Variants in NCR1 observed in about 807,000 individuals in gnomAD.
NCR1 encodes natural cytotoxicity triggering receptor 1, also known as NK cell-activating receptor.
In NCR1, 30 loss-of-function variants were observed where a neutral mutation model predicts 32.5. The ratio of observed to expected loss-of-function variants is 0.92; its 90% CI spans 0.69 to 1.25. The LOEUF (loss-of-function observed/expected upper bound fraction) is 1.25, where lower values mean the gene tolerates loss of function less well. Among genes scored for constraint, NCR1 ranks in the 50% most tolerant of loss-of-function variants. The probability of loss-of-function intolerance (pLI) is 0.00; values close to 1 mark genes in which losing one functional copy is unlikely to be tolerated. For missense variants in NCR1, 369 were observed against 380.7 expected, an observed-to-expected ratio of 0.97 and a Z score of 0.26; for synonymous variants, 169 against 143.4, an observed-to-expected ratio of 1.18 and a Z score of -1.28.
At chr19:54,934,218 G>A in the NCR1 span, among the ~76,000 whole-genome samples, 1 of 152,180 alleles carries the variant, frequency 6.6e-6, no homozygotes, top group African/African-American at 2.4e-5. The surrounding 1 kb of genome is among the most constrained non-coding windows in gnomAD (Gnocchi z 6.7). Context: ...TGGGATTACA[G>A]GCATGAGCCA....
At chr19:54,925,654 CAGAAA>C in the NCR1 span, among the ~76,000 whole-genome samples, 6 of 152,140 alleles carry the variant, frequency 3.9e-5, no homozygotes, top group African/African-American at 7.2e-5. Context: ...AACGTTGTCT[CAGAAA>C]AGAAAAGACA....
chr19:54,920,646 G>A (rs2068228883), downstream of NCR1, among the ~76,000 whole-genome samples: 1 of 152,150 alleles, frequency 6.6e-6, no homozygotes, highest in East Asian at 1.9e-4. Context: ...GGTCAATACA[G>A]CAAGACTCCA....
At chr19:54,930,619 TC>T in the NCR1 span, 4 of 1,613,054 alleles carry the variant, frequency 2.5e-6, no homozygotes, top group Non-Finnish European at 3.4e-6. Flanking sequence ...TTGGAGCGCC[TC>T]TGAGAGATAT....
the NCR1 span, among the ~76,000 whole-genome samples, chr19:54,937,054 T>A: frequency 3.3e-5 from 5 of 150,090 alleles, no homozygotes; most frequent in Middle Eastern, 3.5e-3. Flanking sequence ...CCGTCTTTAC[T>A]AAAATTACAA....
chr19:54,933,570 C>T, the NCR1 span: 19 of 1,614,178 alleles, frequency 1.2e-5, no homozygotes, highest in Middle Eastern at 1.6e-4. Context: ...GGGACTTACA[C>T]CAAGGTCTGC....
chr19:54,935,601 C>CGGG, the NCR1 span, among the ~76,000 whole-genome samples: 1 of 150,966 alleles, frequency 6.6e-6, no homozygotes, highest in South Asian at 2.1e-4. Flanking sequence ...GAAGCTGAGG[C>CGGG]AGAACTGCTT....
chr19:54,920,220 T>C (rs1237992272), downstream of NCR1, among the ~76,000 whole-genome samples: 1 of 152,168 alleles, frequency 6.6e-6, no homozygotes, highest in African/African-American at 2.4e-5. Flanking sequence ...CAATTGTGAA[T>C]GGCTGAGCCA....
chr19:54,902,509 C>T (rs587636879), upstream of NCR1, among the ~76,000 whole-genome samples: 11 of 152,148 alleles, frequency 7.2e-5, no homozygotes, highest in African/African-American at 2.6e-4. Context: ...TCAAGCAATC[C>T]ACCCACCTCG....
At chr19:54,916,288 A>G (rs1001107612), downstream of NCR1, 2 of 147,236 alleles carry the variant, frequency 1.4e-5, no homozygotes, top group African/African-American at 5.0e-5. Context: ...GACCCCCAGA[A>G]CTAACTCATC....
the NCR1 span, among the ~76,000 whole-genome samples, chr19:54,930,115 C>CAAAAAAAA: frequency 9.9e-6 from 1 of 100,564 alleles, no homozygotes; most frequent in Admixed American, 1.2e-4. Context: ...GGCTCCGTCT[C>CAAAAAAAA]AAAAAAAAAA....
upstream of NCR1, among the ~76,000 whole-genome samples, chr19:54,901,552 C>A (rs1170889672): frequency 6.6e-6 from 1 of 151,762 alleles, no homozygotes; most frequent in Non-Finnish European, 1.5e-5. Context: ...ACCTGTAATC[C>A]CAATACCTTG....
At chr19:54,927,993 C>A in the NCR1 span, among the ~76,000 whole-genome samples, 137 of 152,156 alleles carry the variant, frequency 9.0e-4, no homozygotes, top group African/African-American at 3.1e-3. Context: ...CTTGGGAGGC[C>A]GAGGAGGGTA....
chr19:54,918,296 C>T (rs1002074412), downstream of NCR1, among the ~76,000 whole-genome samples: 4 of 150,628 alleles, frequency 2.7e-5, no homozygotes, highest in African/African-American at 4.9e-5. Context: ...GACCAAGTCT[C>T]GCTCTGTTAC....
downstream of NCR1, among the ~76,000 whole-genome samples, chr19:54,918,494 G>A (rs541450071): frequency 6.6e-6 from 1 of 151,998 alleles, no homozygotes; most frequent in Non-Finnish European, 1.5e-5. Flanking sequence ...GGATGGTCTC[G>A]AACTCCTGGC....
downstream of NCR1, among the ~76,000 whole-genome samples, chr19:54,916,585 C>T (rs1008200869): frequency 6.6e-6 from 1 of 151,728 alleles, no homozygotes; most frequent in African/African-American, 2.4e-5. Flanking sequence ...GCTGGGATTA[C>T]AGACGTGAGC....
rs201216810 is a variant in NCR1, at chr19:54,906,671, A to G, written c.219A>G (p.Lys73=). The G allele has an allele frequency of 8.9e-5, 144 of 1,613,802 alleles. 1 individual carries two copies. Among genetic ancestry groups the G allele is most frequent in the Non-Finnish European group, 6.0e-5 (71 of 1,179,992 alleles). ...EGSLFAVDRP[K]PPERINKVQF... ...GCCTTTTTGCCGTGGACAGACCAAAACCCCCTGAGCGGATTAACAAAGTCC... is the reference window on the plus strand; with the variant it reads ...GCCTTTTTGCCGTGGACAGACCAAAGCCCCCTGAGCGGATTAACAAAGTCC... The change falls in exon 3 of 7, where the codon AAA becomes AAG. Residue 73 remains lysine (K), a synonymous_variant. Coordinates refer to ENST00000291890, the MANE Select transcript of NCR1 (RefSeq NM_004829.7).
At chr19:54,916,754 G>C (rs1158553346), downstream of NCR1, among the ~76,000 whole-genome samples, 1 of 132,626 alleles carries the variant, frequency 7.5e-6, no homozygotes, top group African/African-American at 2.9e-5. Context: ...ACCCAGGCTG[G>C]AGTGCAGTGC....
At chr19:54,935,477 CTT>C in the NCR1 span, among the ~76,000 whole-genome samples, 1 of 152,096 alleles carries the variant, frequency 6.6e-6, no homozygotes, top group African/African-American at 2.4e-5. Context: ...AGGCGGATCA[CTT>C]GAGGTCAGGA....
the NCR1 span, chr19:54,923,655 T>G: frequency 6.9e-7 from 1 of 1,453,994 alleles, no homozygotes. Context: ...AGTGTTAACA[T>G]GTGACCCTCT....
Sources: gnomAD v4.1 joint callset for allele counts (sites outside exome capture counted in the v4.1 genomes callset) on GRCh38, gnomAD v4.1.1 for gene constraint, Gnocchi (gnomAD v3.1) non-coding constraint, MANE v1.5 for transcripts, NCBI Gene and HGNC (gene_info 2026-07-23, HGNC 2026-07-21) for gene names.